ROBO1: variants seen among roughly 807,000 people sequenced by gnomAD.
The protein encoded by ROBO1 is roundabout homolog 1.
ROBO1 carries 149 observed loss-of-function variants against 195.9 expected under a neutral mutation model. The observed-to-expected ratio is 0.76, with a 90% CI of 0.67 to 0.87. The LOEUF is 0.87. Ranked by LOEUF, ROBO1 falls within the 40% of genes least tolerant of loss-of-function variation. The probability of loss-of-function intolerance (pLI) is 0.00; values close to 1 mark genes in which losing one functional copy is unlikely to be tolerated. For synonymous variants in ROBO1, 816 were observed against 733.2 expected, an observed-to-expected ratio of 1.11 and a Z score of -1.82; for missense variants, 1,933 against 2,068.3, an observed-to-expected ratio of 0.93 and a Z score of 1.27.
chr3:79,208,116 T>C (rs1036572040), intron 2 of ROBO1, among the ~76,000 whole-genome samples: 2 of 152,180 alleles, frequency 1.3e-5, no homozygotes, highest in African/African-American at 4.8e-5. Flanking sequence ...TTGAATATGG[T>C]TATCCATGAT....
At chr3:78,641,654 A>G (rs1323811939) in intron 21 of ROBO1, among the ~76,000 whole-genome samples, 1 of 152,168 alleles carries the variant, frequency 6.6e-6, no homozygotes, top group Non-Finnish European at 1.5e-5. Flanking sequence ...AGAAGTTATT[A>G]AAAATAAAAC....
chr3:79,176,391 CAAATT>C (rs1184324422), intron 2 of ROBO1, among the ~76,000 whole-genome samples: 1 of 152,064 alleles, frequency 6.6e-6, no homozygotes, highest in Non-Finnish European at 1.5e-5. Context: ...CAAAATCATC[CAAATT>C]AGTGATTCCT....
chr3:79,624,587 C>T (rs1306139603), intron 1 of ROBO1, among the ~76,000 whole-genome samples: 1 of 151,680 alleles, frequency 6.6e-6, no homozygotes, highest in Non-Finnish European at 1.5e-5. Context: ...CAACAGAAAT[C>T]AAAAAAGGCA....
rs185629098 is a variant in ROBO1, at chr3:79,106,401, A to G, written c.172+19055T>C. Among the ~76,000 whole-genome samples, 211 of 151,708 alleles carry G rather than the reference A, an allele frequency of 1.4e-3. 1 individual carries two copies. The highest frequency in any genetic ancestry group is 4.7e-3 in the African/African-American group (196 of 41,492). The stretch of plus-strand genomic sequence containing the variant: ...TTTTAATGAGCCTTAATTGTTACAA[A>G]TGGTTTCTCTTTCAGAACATAACAT... On this transcript the variant is annotated intron_variant, in intron 3 of 30. Coordinates refer to ENST00000464233, the MANE Select transcript of ROBO1 (RefSeq NM_002941.4).
intron 2 of ROBO1, among the ~76,000 whole-genome samples, chr3:79,163,911 T>G (rs1051757238): frequency 9.2e-5 from 14 of 152,166 alleles, no homozygotes; most frequent in Non-Finnish European, 1.9e-4. Context: ...AAGGTGCGAT[T>G]TTCAGATTTC....
intron 5 of ROBO1, among the ~76,000 whole-genome samples, chr3:78,729,872 A>G (rs2082248153): frequency 6.6e-6 from 1 of 152,218 alleles, no homozygotes; most frequent in African/African-American, 2.4e-5. Flanking sequence ...ATTAAAGTTA[A>G]TGTATTATTT....
intron 26 of ROBO1, among the ~76,000 whole-genome samples, chr3:78,621,590 T>C (rs1323423719): frequency 2.6e-5 from 4 of 152,218 alleles, no homozygotes; most frequent in Non-Finnish European, 4.4e-5. Flanking sequence ...GATAAACATG[T>C]ACAGTTTGAA....
In ROBO1 at chr3:79,102,816, G is replaced by A. The variant is rs2079702797; in HGVS notation, c.172+22640C>T. The stretch of plus-strand genomic sequence containing the variant: ...TTTTGCTTTTAATAAATTATTAGAA[G>A]TGTTTCATTATTTATGATGGTCATT... On this transcript the variant is annotated intron_variant, in intron 3 of 30. Transcript: ENST00000464233. Among the ~76,000 whole-genome samples the A allele has an allele frequency of 2.0e-5, 3 of 151,742 alleles. No homozygotes were observed. The South Asian group carries it at 6.2e-4, about 31-fold the overall frequency.
intron 2 of ROBO1, among the ~76,000 whole-genome samples, chr3:79,231,635 A>G (rs1398360923): frequency 6.6e-6 from 1 of 152,206 alleles, no homozygotes; most frequent in East Asian, 1.9e-4. Context: ...TAGTTCAACA[A>G]TTGTAGAAGA....
chr3:79,457,668 A>G (rs1215414684), intron 2 of ROBO1, among the ~76,000 whole-genome samples: 1 of 152,132 alleles, frequency 6.6e-6, no homozygotes, highest in East Asian at 1.9e-4. Context: ...ATCTTGAATA[A>G]GTCTCACAAG....
In ROBO1 at chr3:78,606,900, C is replaced by T. The variant is rs772469243; in HGVS notation, c.4577G>A (p.Gly1526Glu). Residue 1526 changes from glycine (G) to glutamate (E), a missense_variant, in exon 29 of 31, where the codon GGA becomes GAA. By Grantham distance (98) the Gly-to-Glu change is moderately conservative (BLOSUM62 -2). This residue lies in a region of ROBO1 where 1,737 missense variants were observed against 1,882.5 expected (regional missense o/e 0.92). Coordinates refer to ENST00000464233, the MANE Select transcript of ROBO1 (RefSeq NM_002941.4). ...ARTDRSSDRK[G>E]SSYKGREVLD... ...CACTTCTCTCCCCTTGTAACTGCTT[C>T]CTTTTCTGTCTGATGATCTGTCTGT... is the stretch of plus-strand genomic sequence containing the variant. 2.5e-6 allele frequency: 4 copies of T among 1,613,918 alleles called. No individual in the cohort carries two copies. The South Asian group carries it at 4.4e-5, about 18-fold the overall frequency.
At chr3:79,598,279 T>C (rs1267448054) in intron 1 of ROBO1, among the ~76,000 whole-genome samples, 1 of 152,046 alleles carries the variant, frequency 6.6e-6, no homozygotes, top group Non-Finnish European at 1.5e-5. Context: ...TATTGATTAA[T>C]AATACAGAGA....
intron 3 of ROBO1, among the ~76,000 whole-genome samples, chr3:79,044,784 T>C (rs1359096754): frequency 1.3e-5 from 2 of 152,080 alleles, no homozygotes; most frequent in Non-Finnish European, 2.9e-5. Context: ...TTTGACATTT[T>C]CTTTTTTTAA....
At chr3:79,368,020 C>A (rs1285209774) in intron 2 of ROBO1, among the ~76,000 whole-genome samples, 1 of 152,144 alleles carries the variant, frequency 6.6e-6, no homozygotes, top group Non-Finnish European at 1.5e-5. Flanking sequence ...CCGCTCACTG[C>A]AACCTCCGCC....
chr3:79,407,184 T>A (rs1019786916), intron 2 of ROBO1, among the ~76,000 whole-genome samples: 1 of 152,114 alleles, frequency 6.6e-6, no homozygotes, highest in East Asian at 1.9e-4. Context: ...CACCTTGGCC[T>A]CCCAAAGTGC....
At chr3:78,764,179 T>C (rs1046146126) in intron 4 of ROBO1, among the ~76,000 whole-genome samples, 1 of 152,182 alleles carries the variant, frequency 6.6e-6, no homozygotes, top group Non-Finnish European at 1.5e-5. Flanking sequence ...ATAAGCAACT[T>C]AGTCTATATT....
chr3:79,356,998 T>C (rs990001211), intron 2 of ROBO1, among the ~76,000 whole-genome samples: 4 of 152,288 alleles, frequency 2.6e-5, no homozygotes, highest in Middle Eastern at 3.4e-3. Flanking sequence ...TGTATATTGA[T>C]ATGAGTTGGG....
chr3:79,175,904 A>G (rs552803083), intron 2 of ROBO1, among the ~76,000 whole-genome samples: 2 of 152,222 alleles, frequency 1.3e-5, no homozygotes, highest in Non-Finnish European at 2.9e-5. Flanking sequence ...ACTGAGAAAA[A>G]TAAAAATTAC....
At chr3:78,653,103 T>C (rs1706781540) in intron 18 of ROBO1, among the ~76,000 whole-genome samples, 1 of 152,192 alleles carries the variant, frequency 6.6e-6, no homozygotes. Context: ...CATATTGTCG[T>C]CATGAGTTCT....
Sources: allele counts gnomAD v4.1 joint callset (sites outside exome capture counted in the v4.1 genomes callset), GRCh38; gene constraint gnomAD v4.1.1; regional missense constraint gnomAD v4.1.1; transcripts MANE v1.5; gene names NCBI Gene and HGNC (gene_info 2026-07-23, HGNC 2026-07-21).